Variants in MTERF4 observed in about 807,000 individuals in gnomAD.
MTERF4 encodes the protein transcription termination factor 4, mitochondrial.
MTERF4 carries 17 observed loss-of-function variants against 22.5 expected under a neutral mutation model. That is an observed-to-expected ratio of 0.75 (90% CI 0.52 to 1.13). The LOEUF is 1.13. Among genes scored for constraint, MTERF4 ranks in the 50% most tolerant of loss-of-function variants. MTERF4 has a pLI of 0.00. For missense variants in MTERF4, 420 were observed against 466.8 expected (o/e 0.90, Z 0.92); for synonymous variants, 165 against 175.3 (o/e 0.94, Z 0.47).
At position 241,096,702 on chromosome 2, in the gene MTERF4, G is replaced by C. The variant is rs1305481901; in HGVS notation, c.706-264C>G. 4.6e-6 allele frequency: 3 copies of C among 653,496 alleles called. No homozygotes were observed. Among genetic ancestry groups the C allele is most frequent in the Non-Finnish European group, 8.6e-6 (3 of 347,380 alleles). 40.5% of individuals were successfully genotyped at this position (653,496 alleles called of 1,614,324 possible). On this transcript the variant is annotated intron_variant, in intron 3 of 3. Coordinates refer to ENST00000391980, the MANE Select transcript of MTERF4 (RefSeq NM_182501.4). This position sits in a 1 kb window ranked among gnomAD's most constrained non-coding sequence, Gnocchi z 5.1. ...GGAGGGAGAAGGGGCAGAAGGAAGA[G>C]GTGGTATTTTTCTTTAAATGGGGAA...
the MTERF4 span, among the ~76,000 whole-genome samples, chr2:241,047,893 T>C: frequency 7.9e-5 from 12 of 151,570 alleles, no homozygotes; most frequent in Admixed American, 2.0e-4. Context: ...TGTCCAATCC[T>C]GGGTGGTCTC....
chr2:241,074,438 T>C (rs2062919367), exon 5 of MTERF4: 1 of 152,196 alleles, frequency 6.6e-6, no homozygotes, highest in Non-Finnish European at 1.5e-5. Flanking sequence ...TGTTGATCTT[T>C]AAGTGAACTA....
downstream of MTERF4, among the ~76,000 whole-genome samples, chr2:241,090,952 C>T (rs561602684): frequency 6.6e-5 from 10 of 152,034 alleles, no homozygotes; most frequent in South Asian, 1.9e-3. Flanking sequence ...CACTGTCATG[C>T]GCGCGGTCCT....
At chr2:241,064,132 C>T in the MTERF4 span, 13 of 1,535,384 alleles carry the variant, frequency 8.5e-6, 1 homozygote, top group African/African-American at 5.5e-5. This position sits in a 1 kb window ranked among gnomAD's most constrained non-coding sequence, Gnocchi z 7.0. Context: ...ACAGGTAGGG[C>T]GGCAGGCCTG....
rs1365275999 is a variant in MTERF4 at position 241,096,694 on chromosome 2, A to G, written c.706-256T>C. 10 of 668,030 alleles carry G rather than the reference A, an allele frequency of 1.5e-5. No homozygotes were observed. Among genetic ancestry groups the G allele is most frequent in the Non-Finnish European group, 2.5e-5 (9 of 355,134 alleles). 41.4% of individuals were successfully genotyped at this position (668,030 alleles called of 1,614,324 possible). On this transcript the variant is annotated intron_variant, in intron 3 of 3. Coordinates refer to ENST00000391980, the MANE Select transcript of MTERF4 (RefSeq NM_182501.4). This position sits in a 1 kb window ranked among gnomAD's most constrained non-coding sequence, Gnocchi z 5.1. ...AAGGGGCAGGAGGGAGAAGGGGCAG[A>G]AGGAAGAGGTGGTATTTTTCTTTAA...
intron 1 of MTERF4, among the ~76,000 whole-genome samples, chr2:241,100,618 C>T (rs969045654): frequency 6.6e-6 from 1 of 152,156 alleles, no homozygotes; most frequent in Non-Finnish European, 1.5e-5. Flanking sequence ...GTGCACACTA[C>T]ACCCTGCTAA....
At chr2:241,097,573 T>A in intron 2 of MTERF4, 146 bp from the exon 3 acceptor site, 1 of 706,290 alleles carries the variant, frequency 1.4e-6, no homozygotes, top group Non-Finnish European at 2.3e-6. Flanking sequence ...CAGATCTATC[T>A]TCCCAGAAGC....
the MTERF4 span, chr2:241,064,753 G>T: frequency 1.1e-4 from 94 of 889,630 alleles, no homozygotes; most frequent in African/African-American, 1.4e-3. The surrounding 1 kb of genome is among the most constrained non-coding windows in gnomAD (Gnocchi z 7.0). Flanking sequence ...ACCCACGCAG[G>T]AGGGACCCAG....
At chr2:241,052,480 AG>A in the MTERF4 span, 1 of 1,508,670 alleles carries the variant, frequency 6.6e-7, no homozygotes, top group East Asian at 2.8e-5. Context: ...TGAGAGGGTC[AG>A]GGGGATCAAG....
chr2:241,085,860 C>CTTTTTTTTTTTTTTTT (rs772995766), downstream of MTERF4, among the ~76,000 whole-genome samples: 3 of 79,186 alleles, frequency 3.8e-5, no homozygotes, highest in Non-Finnish European at 4.8e-5. Context: ...TCTGCGGTTT[C>CTTTTTTTTTTTTTTTT]TTTTTTTTTT....
At position 241,096,149 on chromosome 2, in the gene MTERF4, G is replaced by A. The variant is rs763228776; in HGVS notation, c.995C>T (p.Ser332Phe). Residue 332 changes from serine to phenylalanine, a missense_variant, in exon 4 of 4, where the codon TCT (serine) becomes TTT (phenylalanine). By Grantham distance (155) the Ser-to-Phe change is radical. Transcript: ENST00000391980. The surrounding 1 kb of genome is among the most constrained non-coding windows in gnomAD (Gnocchi z 5.1). Reference sequence around the variant, plus strand: ...ATCCAGACTTGCCCTTTTGTCATCAGATGTGCTGCTCTCAGACTCCTCCTC... The same window carrying A: ...ATCCAGACTTGCCCTTTTGTCATCAAATGTGCTGCTCTCAGACTCCTCCTC... ...REEEESESST[S>F]DDKRASLDED... 4 of 1,613,884 alleles carry A rather than the reference G, an allele frequency of 2.5e-6. No homozygotes were observed. The African/African-American group carries it at 5.3e-5, about 22-fold the overall frequency.
At chr2:241,061,890 G>T in the MTERF4 span, among the ~76,000 whole-genome samples, 2 of 151,548 alleles carry the variant, frequency 1.3e-5, no homozygotes, top group African/African-American at 4.8e-5. Flanking sequence ...ACAAAAAAAG[G>T]AAAAAGTCTA....
intron 4 of MTERF4, among the ~76,000 whole-genome samples, chr2:241,078,391 A>T (rs2063148756): frequency 1.3e-5 from 2 of 151,424 alleles, no homozygotes; most frequent in African/African-American, 4.9e-5. Context: ...TCAAAAAAAA[A>T]AAAAAAAGAA....
chr2:241,059,238 A>G, the MTERF4 span, among the ~76,000 whole-genome samples: 2 of 152,232 alleles, frequency 1.3e-5, no homozygotes, highest in Admixed American at 1.3e-4. Flanking sequence ...TGTTACACTT[A>G]ATTTGTAATT....
At chr2:241,101,250 C>T in intron 1 of MTERF4, 1 of 455,786 alleles carries the variant, frequency 2.2e-6, no homozygotes, top group South Asian at 1.6e-5. Flanking sequence ...AGTGACAGAT[C>T]ATCGGGCATC....
At chr2:241,091,672 C>T (rs903713928), downstream of MTERF4, 1 of 152,240 alleles carries the variant, frequency 6.6e-6, no homozygotes, top group Non-Finnish European at 1.5e-5. This position sits in a 1 kb window ranked among gnomAD's most constrained non-coding sequence, Gnocchi z 4.1. Flanking sequence ...CCACCAACCT[C>T]ACGAGTTTCT....
chr2:241,065,345 T>G, the MTERF4 span: 2 of 1,611,402 alleles, frequency 1.2e-6, no homozygotes, highest in South Asian at 2.2e-5. Flanking sequence ...TGGAGGAGAG[T>G]GGGGTCTCTA....
At chr2:241,049,941 G>A in the MTERF4 span, 40 of 1,607,180 alleles carry the variant, frequency 2.5e-5, no homozygotes, top group East Asian at 8.9e-5. Context: ...AAGGTATGGC[G>A]GGCAGGGGCG....
the MTERF4 span, among the ~76,000 whole-genome samples, chr2:241,045,426 C>T: frequency 2.0e-5 from 3 of 152,132 alleles, no homozygotes; most frequent in Non-Finnish European, 4.4e-5. Flanking sequence ...GTGATCAATT[C>T]AGTGTGATAT....
Sources: gnomAD v4.1 joint callset for allele counts (sites outside exome capture counted in the v4.1 genomes callset) on GRCh38, gnomAD v4.1.1 for gene constraint, Gnocchi (gnomAD v3.1) non-coding constraint, MANE v1.5 for transcripts, NCBI Gene and HGNC (gene_info 2026-07-23, HGNC 2026-07-21) for gene names.